SPRY3: variants seen among roughly 807,000 people sequenced by gnomAD.
The protein encoded by SPRY3 is protein sprouty homolog 3.
A neutral mutation model predicts 20.2 loss-of-function variants in SPRY3; 15 were observed. That is an observed-to-expected ratio of 0.74 (90% CI 0.50 to 1.14). The LOEUF is 1.14. Ranked by LOEUF, SPRY3 falls within the 50% of genes most tolerant of loss-of-function variation. SPRY3 has a pLI of 0.00. For missense variants in SPRY3, 364 were observed against 363.9 expected, an observed-to-expected ratio of 1.00 and a Z score of 0.00; for synonymous variants, 143 against 136.5, an observed-to-expected ratio of 1.05 and a Z score of -0.33.
downstream of SPRY3, chrX:155,779,512 G>C (rs1379040213): frequency 6.0e-6 from 1 of 166,888 alleles, no homozygotes; most frequent in Non-Finnish European, 1.5e-5. Context: ...TCAATTAAAG[G>C]AGTAACAAAC....
intron 2 of SPRY3, among the ~76,000 whole-genome samples, chrX:155,712,001 T>C (rs984226735): frequency 6.6e-6 from 1 of 151,906 alleles, no homozygotes; most frequent in African/African-American, 2.4e-5. Context: ...TCTGTATGTT[T>C]ATATAGTTTC....
At chrX:155,767,322 C>G (rs2091338701) in intron 2 of SPRY3, among the ~76,000 whole-genome samples, 1 of 152,056 alleles carries the variant, frequency 6.6e-6, no homozygotes, top group Non-Finnish European at 1.5e-5. Context: ...CAGAAATCAT[C>G]TACATTCACA....
intron 1 of SPRY3, among the ~76,000 whole-genome samples, chrX:155,638,826 A>G (rs1466284656): frequency 2.7e-5 from 3 of 111,580 alleles, no homozygotes; most frequent in African/African-American, 9.8e-5. Context: ...CATTAATGAA[A>G]TCCCTTGCCA....
intron 2 of SPRY3, among the ~76,000 whole-genome samples, chrX:155,766,908 C>G (rs1325155334): frequency 6.6e-6 from 1 of 152,132 alleles, no homozygotes; most frequent in Non-Finnish European, 1.5e-5. Context: ...AGTGGGAACA[C>G]ATGAGGAAGA....
intron 2 of SPRY3, among the ~76,000 whole-genome samples, chrX:155,705,150 T>A (rs1018073174): frequency 6.6e-6 from 1 of 151,446 alleles, no homozygotes; most frequent in African/African-American, 2.4e-5. Context: ...GATAACTCAC[T>A]GTCTAAAGAA....
chrX:155,693,865 C>T (rs1300379658), intron 2 of SPRY3, among the ~76,000 whole-genome samples: 2 of 99,665 alleles, frequency 2.0e-5, no homozygotes, highest in African/African-American at 7.3e-5. Flanking sequence ...TACAATGGCA[C>T]AATCATAGCT....
rs2068099781 is a variant in SPRY3 at position 155,690,510 on chromosome X, A to C, written c.-282+33485A>C. Among the ~76,000 whole-genome samples the C allele has an allele frequency of 2.3e-5, 2 of 88,253 alleles. 1 individual carries two copies. Among genetic ancestry groups the C allele is most frequent in the Admixed American group, 2.4e-4 (2 of 8,240 alleles). 76.6% of individuals were successfully genotyped at this position (88,253 alleles called of 115,157 possible). A position where few individuals can be genotyped will look rare whatever the true frequency, so the allele number is the denominator to read the frequency against. On this transcript the variant is annotated intron_variant, in intron 2 of 3. Coordinates refer to ENST00000675360, the Ensembl canonical transcript of SPRY3. Reference sequence around the variant, plus strand: ...AGGGATGGAGAAAAATCTACCAAGCAAATGGAAAACAGCAAAAAGCAGGGG... The same window carrying C: ...AGGGATGGAGAAAAATCTACCAAGCCAATGGAAAACAGCAAAAAGCAGGGG...
chrX:155,722,559 T>C (rs1216165687), intron 2 of SPRY3, among the ~76,000 whole-genome samples: 1 of 151,774 alleles, frequency 6.6e-6, no homozygotes, highest in Admixed American at 6.6e-5. Context: ...AATTAAATCA[T>C]ATTAACCGAG....
intron 3 of SPRY3, among the ~76,000 whole-genome samples, chrX:155,770,797 A>G (rs777679117): frequency 1.3e-5 from 2 of 152,274 alleles, no homozygotes; most frequent in African/African-American, 4.8e-5. Context: ...GTGCTACAGC[A>G]GTGTCTTGCC....
chrX:155,629,836 T>C (rs1333713577), intron 1 of SPRY3, among the ~76,000 whole-genome samples: 2 of 112,374 alleles, frequency 1.8e-5, no homozygotes, highest in Non-Finnish European at 3.8e-5. Flanking sequence ...ATACATAGTT[T>C]GCAAATATTT....
At chrX:155,728,668 A>T (rs1436689974) in intron 2 of SPRY3, among the ~76,000 whole-genome samples, 1 of 152,178 alleles carries the variant, frequency 6.6e-6, no homozygotes, top group Non-Finnish European at 1.5e-5. Flanking sequence ...CCATGGGAAA[A>T]GCACAGTATT....
At chrX:155,647,320 T>A (rs1289808778) in intron 1 of SPRY3, among the ~76,000 whole-genome samples, 2 of 111,232 alleles carry the variant, frequency 1.8e-5, no homozygotes, top group Non-Finnish European at 3.8e-5. Flanking sequence ...TTTTTGTTAT[T>A]ATTATACTTT....
intron 2 of SPRY3, among the ~76,000 whole-genome samples, chrX:155,718,352 T>C (rs2091035458): frequency 6.6e-6 from 1 of 152,130 alleles, no homozygotes; most frequent in Non-Finnish European, 1.5e-5. Context: ...CAGATAGCAC[T>C]GTGCCCCATA....
At chrX:155,614,069 G>C (rs2067841944) in intron 1 of SPRY3, among the ~76,000 whole-genome samples, 1 of 111,821 alleles carries the variant, frequency 8.9e-6, no homozygotes, top group Non-Finnish European at 1.9e-5. Flanking sequence ...GTAACATAAA[G>C]AGGAAAAACT....
intron 2 of SPRY3, among the ~76,000 whole-genome samples, chrX:155,670,170 T>C (rs2068035909): frequency 9.0e-6 from 1 of 111,625 alleles, no homozygotes; most frequent in South Asian, 3.7e-4. Context: ...ATATCCAAGA[T>C]TTGAACCCAG....
chrX:155,717,489 T>C (rs1255404648), intron 2 of SPRY3, among the ~76,000 whole-genome samples: 1 of 152,112 alleles, frequency 6.6e-6, no homozygotes, highest in African/African-American at 2.4e-5. Flanking sequence ...GCTGCACCCA[T>C]CAACCTGTCA....
rs2091048873 is a variant in SPRY3 at position 155,720,323 on chromosome X, C to T, written c.-281-47639C>T. ...CTTCCAAGGTTTTTGAATCTAGTCC[C>T]TGGCTGCCAGACAGCATCTCTGGGC... On this transcript the variant is annotated intron_variant, in intron 2 of 3. Transcript: ENST00000675360. Among the ~76,000 whole-genome samples the T allele has an allele frequency of 2.0e-5, 3 of 152,258 alleles. No homozygotes were observed. The South Asian group carries it at 6.2e-4, about 32-fold the overall frequency.
intron 2 of SPRY3, among the ~76,000 whole-genome samples, chrX:155,740,144 C>T (rs148756176): frequency 8.5e-5 from 13 of 152,306 alleles, no homozygotes; most frequent in East Asian, 3.9e-4. Context: ...TAATTTCTTA[C>T]GCCTGTCTTG....
At chrX:155,718,942 C>T (rs2091038570) in intron 2 of SPRY3, among the ~76,000 whole-genome samples, 1 of 152,018 alleles carries the variant, frequency 6.6e-6, no homozygotes, top group Admixed American at 6.5e-5. Context: ...CAATCATTCA[C>T]CCCACAAGGA....
Sources: allele counts gnomAD v4.1 joint callset (sites outside exome capture counted in the v4.1 genomes callset), GRCh38; gene constraint gnomAD v4.1.1; transcripts MANE v1.5; gene names NCBI Gene and HGNC (gene_info 2026-07-23, HGNC 2026-07-21).